PCDHGB5: variants seen among roughly 807,000 people sequenced by gnomAD.
PCDHGB5 encodes the protein protocadherin gamma-B5.
In PCDHGB5, 48 loss-of-function variants were observed where a neutral mutation model predicts 62.9. The observed-to-expected ratio is 0.76, with a 90% confidence interval of 0.61 to 0.97. PCDHGB5 has a LOEUF of 0.97. PCDHGB5 is among the 50% of genes least tolerant of loss of function. The pLI, the probability that PCDHGB5 is intolerant of heterozygous loss-of-function variation, is 0.00. For synonymous variants in PCDHGB5, 474 were observed against 511.2 expected (o/e 0.93, Z 0.98); for missense variants, 1,118 against 1,198.6 (o/e 0.93, Z 0.99).
In PCDHGB5 at chr5:141,489,185, T is replaced by G; in HGVS notation, c.2398-5622T>G. The G allele has an allele frequency of 7.8e-7, 1 of 1,286,838 alleles. No individual in the cohort carries two copies. The highest frequency in any genetic ancestry group is 1.5e-5 in the African/African-American group (1 of 67,216). 79.7% of individuals were successfully genotyped at this position (1,286,838 alleles called of 1,614,324 possible). On this transcript the variant is annotated intron_variant, in intron 1 of 3. Transcript: ENST00000617380. The surrounding 1 kb of genome is among the most constrained non-coding windows in gnomAD (Gnocchi z 4.5). The stretch of plus-strand genomic sequence containing the variant: ...CAGCTGCTGCATTCCAAGCCCTGGG[T>G]CTACCTTGGAGACAGGACAGCACAG...
At chr5:141,428,020 C>A (rs1443722620) in intron 1 of PCDHGB5, 1 of 1,605,408 alleles carries the variant, frequency 6.2e-7, no homozygotes, top group Admixed American at 1.7e-5. Context: ...GTGCCACGCG[C>A]CGCAGAGTCC....
At chr5:141,440,030 G>A (rs780807702) in intron 1 of PCDHGB5, 2 of 153,028 alleles carry the variant, frequency 1.3e-5, no homozygotes, top group African/African-American at 2.4e-5. Context: ...ACTCAGTGTC[G>A]AGGACATGCC....
intron 1 of PCDHGB5, among the ~76,000 whole-genome samples, chr5:141,463,438 CTTTTT>C (rs71576115): frequency 7.7e-5 from 8 of 103,256 alleles, no homozygotes; most frequent in African/African-American, 2.7e-4. Flanking sequence ...TTTCCTTCTC[CTTTTT>C]TTTTTTTTTT....
Position 141,400,261 on chromosome 5 carries a change from C to G in PCDHGB5, c.2134C>G (p.Arg712Gly). The G allele has an allele frequency of 6.2e-7, 1 of 1,614,058 alleles. No homozygotes were observed. Residue 712 changes from arginine to glycine, a missense_variant, in exon 1 of 4, where the codon CGA (arginine) becomes GGA (glycine). By Grantham distance (125) the Arg-to-Gly change is moderately radical. Coordinates refer to ENST00000617380, the MANE Select transcript of PCDHGB5 (RefSeq NM_018925.3). ...AVILAVALRL[R>G]RSSSPAAWSC... ...GATTCTGGCCGTTGCCTTGCGCCTG[C>G]GACGCTCCTCCAGCCCTGCCGCCTG...
intron 1 of PCDHGB5, chr5:141,423,597 G>A: frequency 6.2e-7 from 1 of 1,613,188 alleles, no homozygotes; most frequent in Non-Finnish European, 8.5e-7. Context: ...AGAAAAGCGA[G>A]CCACTCTTGA....
At position 141,410,085 on chromosome 5, in the gene PCDHGB5, C is replaced by G; in HGVS notation, c.2397+9561C>G. 3 of 1,612,476 alleles carry G rather than the reference C, an allele frequency of 1.9e-6. No homozygotes were observed. In the South Asian group the frequency reaches 3.3e-5, roughly 18 times the overall value. On this transcript the variant is annotated intron_variant, in intron 1 of 3. Transcript: ENST00000617380. Reference sequence around the variant, plus strand: ...GGGCTGCGCACTGGGGAGGTGCGCACGGCTCGAGCCTTAGGCGACAGGGAC... The same window carrying G: ...GGGCTGCGCACTGGGGAGGTGCGCAGGGCTCGAGCCTTAGGCGACAGGGAC...
chr5:141,449,075 T>C (rs1452456191), intron 1 of PCDHGB5, among the ~76,000 whole-genome samples: 3 of 152,240 alleles, frequency 2.0e-5, no homozygotes, highest in African/African-American at 7.2e-5. Context: ...AATAGCCCTG[T>C]ACCTACATCA....
chr5:141,478,337 T>C (rs766980546), intron 1 of PCDHGB5: 1 of 1,613,942 alleles, frequency 6.2e-7, no homozygotes, highest in Non-Finnish European at 8.5e-7. Context: ...ACCAGGGCCC[T>C]CCTTGCACGC....
intron 2 of PCDHGB5, among the ~76,000 whole-genome samples, chr5:141,503,855 TA>T (rs2099832899): frequency 1.3e-5 from 2 of 152,136 alleles, no homozygotes; most frequent in Non-Finnish European, 2.9e-5. Context: ...GGAAAAATTG[TA>T]AAGCAGTTCT....
Position 141,491,711 on chromosome 5 carries a change from C to A in PCDHGB5, c.2398-3096C>A, listed in dbSNP as rs528931820. ...CGGGAGCGGAGCCAGGTGAGGGGCT[C>A]GGCGCCGCCCCGGGCGACCCCTGGG... On this transcript the variant is annotated intron_variant, in intron 1 of 3. Coordinates refer to ENST00000617380, the MANE Select transcript of PCDHGB5 (RefSeq NM_018925.3). The surrounding 1 kb of genome is among the most constrained non-coding windows in gnomAD (Gnocchi z 6.9). 1.3e-4 allele frequency: 217 copies of A among 1,609,356 alleles called. 3 individuals are homozygous for A. In the South Asian group the frequency reaches 2.2e-3, roughly 17 times the overall value.
intron 1 of PCDHGB5, 161 bp from the exon 2 acceptor site, chr5:141,494,646 T>C (rs1324048407): frequency 1.1e-6 from 1 of 935,836 alleles, no homozygotes; most frequent in East Asian, 1.2e-4. Flanking sequence ...AGACCTGAGG[T>C]GTATTTTGTC....
intron 1 of PCDHGB5, among the ~76,000 whole-genome samples, chr5:141,468,946 C>T (rs1437282358): frequency 7.0e-6 from 1 of 141,900 alleles, no homozygotes; most frequent in East Asian, 2.0e-4. Context: ...ATGGGGTAAA[C>T]CTGTGGTTTT....
intron 1 of PCDHGB5, chr5:141,414,147 A>G: frequency 6.3e-7 from 1 of 1,599,090 alleles, no homozygotes; most frequent in Non-Finnish European, 8.5e-7. Flanking sequence ...TAGAAATACA[A>G]GCAGAAGATG....
intron 1 of PCDHGB5, chr5:141,478,359 G>A: frequency 6.2e-7 from 1 of 1,613,734 alleles, no homozygotes; most frequent in Non-Finnish European, 8.5e-7. Flanking sequence ...GACGCCGTGC[G>A]GGGAGGCCTG....
chr5:141,418,776 C>G (rs763308217), intron 1 of PCDHGB5: 1 of 1,613,806 alleles, frequency 6.2e-7, no homozygotes, highest in East Asian at 2.2e-5. Flanking sequence ...ACTCAGCAGC[C>G]TTTGGATTTT....
chr5:141,432,528 A>T lies in PCDHGB5; in HGVS notation c.2397+32004A>T. The T allele has an allele frequency of 1.2e-6, 2 of 1,613,804 alleles. No homozygotes were observed. The highest frequency in any genetic ancestry group is 1.7e-6 in the Non-Finnish European group (2 of 1,180,000). ...GCAGAGCCCGGCTACCTGGTGACCA[A>T]GGTGGTGGCGGTGGACAGAGACTCC... is the stretch of plus-strand genomic sequence containing the variant. On this transcript the variant is annotated intron_variant, in intron 1 of 3. Transcript: ENST00000617380. This position sits in a 1 kb window ranked among gnomAD's most constrained non-coding sequence, Gnocchi z 6.0.
chr5:141,415,134 C>T (rs760482028), intron 1 of PCDHGB5: 10 of 1,613,552 alleles, frequency 6.2e-6, no homozygotes, highest in South Asian at 3.3e-5. Context: ...TCCAGGACCA[C>T]GGCCAGCCCC....
intron 1 of PCDHGB5, among the ~76,000 whole-genome samples, chr5:141,450,397 C>T (rs529143168): frequency 6.6e-6 from 1 of 152,300 alleles, no homozygotes; most frequent in South Asian, 2.1e-4. Flanking sequence ...TTTGTAAAGA[C>T]TAGAAGCCAT....
intron 1 of PCDHGB5, among the ~76,000 whole-genome samples, chr5:141,455,253 C>T (rs187877877): frequency 6.6e-6 from 1 of 151,986 alleles, no homozygotes; most frequent in East Asian, 1.9e-4. Flanking sequence ...ATAGTACAAT[C>T]GCATTTCTTC....
Sources: gnomAD v4.1 joint callset for allele counts (sites outside exome capture counted in the v4.1 genomes callset) on GRCh38, gnomAD v4.1.1 for gene constraint, Gnocchi (gnomAD v3.1) non-coding constraint, MANE v1.5 for transcripts, NCBI Gene and HGNC (gene_info 2026-07-23, HGNC 2026-07-21) for gene names.